Variants in TM9SF4 observed in about 807,000 individuals in gnomAD.
The protein encoded by TM9SF4 is dinucleotide oxidase disulfide thiol exchanger 3 superfamily member 4.
A neutral mutation model predicts 90.4 loss-of-function variants in TM9SF4; 26 were observed. The ratio of observed to expected loss-of-function variants is 0.29; its 90% CI spans 0.21 to 0.40. The LOEUF (loss-of-function observed/expected upper bound fraction) is 0.40. Among genes scored for constraint, TM9SF4 ranks in the 10% least tolerant of loss-of-function variants. TM9SF4 has a pLI of 1.00. For synonymous variants in TM9SF4, 293 were observed against 315.4 expected (o/e 0.93, Z 0.75); for missense variants, 549 against 834.8 (o/e 0.66, Z 4.22).
At chr20:32,144,284 T>C (rs1160853761) in intron 6 of TM9SF4, among the ~76,000 whole-genome samples, 1 of 152,184 alleles carries the variant, frequency 6.6e-6, no homozygotes, top group Non-Finnish European at 1.5e-5. Flanking sequence ...ACCTGGCCCA[T>C]AGTTGGTGCT....
intron 14 of TM9SF4, 151 bp from the exon 15 acceptor site, chr20:32,158,300 C>G (rs532657352): frequency 1.2e-6 from 1 of 828,952 alleles, no homozygotes; most frequent in African/African-American, 1.7e-5. Flanking sequence ...CTGCCTACCT[C>G]TCAAGAGATT....
chr20:32,153,210 C>A (rs1024054754), intron 12 of TM9SF4, among the ~76,000 whole-genome samples: 3 of 152,130 alleles, frequency 2.0e-5, no homozygotes, highest in African/African-American at 7.2e-5. Flanking sequence ...CACATAAGGA[C>A]CTTGGTATAG....
intron 1 of TM9SF4, among the ~76,000 whole-genome samples, chr20:32,121,393 T>C (rs2046304405): frequency 6.6e-6 from 1 of 151,500 alleles, no homozygotes; most frequent in Admixed American, 6.6e-5. Context: ...GATTAGGGAG[T>C]GGTGATGACT....
intron 13 of TM9SF4, among the ~76,000 whole-genome samples, chr20:32,156,268 A>C (rs2046918420): frequency 6.6e-6 from 1 of 152,228 alleles, no homozygotes; most frequent in African/African-American, 2.4e-5. Context: ...GTAAAAAGTA[A>C]GTGTAGAGAA....
rs772640325 is a variant in TM9SF4 at position 32,160,108 on chromosome 20, A to C, written c.1686A>C (p.Ala562=). The change falls in exon 16 of 18, where the codon GCA becomes GCC. Residue 562 remains alanine, a synonymous_variant. Coordinates refer to ENST00000398022, the MANE Select transcript of TM9SF4 (RefSeq NM_014742.4). ...SIVMVYFQLC[A]EDYRWWWRNF... ...TCATGGTGTACTTCCAGCTGTGTGC[A>C]GAGGTGAGGAGAGCAGGGCCAGGAG... 7 of 1,614,106 alleles carry C rather than the reference A, an allele frequency of 4.3e-6. No homozygotes were observed. In the East Asian group the frequency reaches 1.6e-4, roughly 36 times the overall value.
At chr20:32,146,361 C>T (rs1203882935) in intron 8 of TM9SF4, among the ~76,000 whole-genome samples, 1 of 152,052 alleles carries the variant, frequency 6.6e-6, no homozygotes, top group East Asian at 1.9e-4. Context: ...CAGGATATGG[C>T]GGGGCATTCT....
chr20:32,109,717 A>G lies in TM9SF4; in HGVS notation c.-24A>G. 1.9e-6 allele frequency: 3 copies of G among 1,551,640 alleles called. No individual in the cohort carries two copies. The South Asian group carries it at 3.6e-5, about 18-fold the overall frequency. ...AGGGAGCACCACTTCCGCTGACGTCATTACGGCGACACGTGGATCCAAGAT... is the reference window on the plus strand; with the variant it reads ...AGGGAGCACCACTTCCGCTGACGTCGTTACGGCGACACGTGGATCCAAGAT... On this transcript the variant is annotated 5_prime_UTR_variant, in exon 1 of 18. Transcript: ENST00000398022.
chr20:32,152,674 G>A (rs997102302), intron 12 of TM9SF4, among the ~76,000 whole-genome samples: 11 of 152,184 alleles, frequency 7.2e-5, no homozygotes, highest in East Asian at 3.9e-4. Flanking sequence ...ACTCTCCTAC[G>A]GCCTTGCCTG....
At position 32,110,069 on chromosome 20, in the gene TM9SF4, C is replaced by T. The variant is rs2122289784; in HGVS notation, c.15+314C>T. 15 of 1,286,088 alleles carry T rather than the reference C, an allele frequency of 1.2e-5. 1 individual carries two copies. In the South Asian group the frequency reaches 2.5e-4, roughly 22 times the overall value. The allele number at this position is 1,286,088 out of a possible 1,614,324, so 79.7% of individuals were successfully genotyped here. On this transcript the variant is annotated intron_variant, in intron 1 of 17. Transcript: ENST00000398022. ...GCCCCATTTTCCATTTCTCACCTCC[C>T]TGTCCTGACCCCTCTGAAGACCCCC...
intron 3 of TM9SF4, among the ~76,000 whole-genome samples, chr20:32,140,781 G>A (rs1011558673): frequency 6.6e-6 from 1 of 152,154 alleles, no homozygotes; most frequent in African/African-American, 2.4e-5. Flanking sequence ...GGCAGTCAGG[G>A]GAGGGAGTGA....
chr20:32,127,280 G>T (rs909511092), intron 1 of TM9SF4, among the ~76,000 whole-genome samples: 1 of 152,192 alleles, frequency 6.6e-6, no homozygotes, highest in Non-Finnish European at 1.5e-5. Flanking sequence ...AGCTGCCATT[G>T]TTATGAACAT....
chr20:32,136,001 C>T, intron 2 of TM9SF4, 73 bp from the exon 3 acceptor site: 18 of 1,329,024 alleles, frequency 1.4e-5, no homozygotes, highest in Non-Finnish European at 1.9e-5. Context: ...GTTAATATTA[C>T]CAAGTGTACT....
In TM9SF4 at chr20:32,136,154, C is replaced by T. The variant is rs777734761; in HGVS notation, c.210C>T (p.Thr70=). 19 of 1,614,052 alleles carry T rather than the reference C, an allele frequency of 1.2e-5. No homozygotes were observed. Among genetic ancestry groups the T allele is most frequent in the Non-Finnish European group, 2.5e-6 (3 of 1,180,026 alleles). The change falls in exon 3 of 18, where the codon ACC becomes ACT. Residue 70 remains threonine, a synonymous_variant. Coordinates refer to ENST00000398022, the MANE Select transcript of TM9SF4 (RefSeq NM_014742.4). ...SLPFCQPSKI[T]YKAENLGEVL... is the part of the protein sequence containing the mutation. ...CCTTCTGCCAGCCCAGCAAGATAAC[C>T]TACAAGGCAGAGAATCTGGGTAAGT...
chr20:32,145,460 G>A lies in TM9SF4; in HGVS notation c.883+37G>A, dbSNP rs745519189. The A allele has an allele frequency of 2.3e-5, 36 of 1,584,556 alleles. 2 individuals are homozygous for A. In the South Asian group the frequency reaches 3.9e-4, roughly 17 times the overall value. On this transcript the variant is annotated intron_variant, in intron 8 of 17. Transcript: ENST00000398022. ...GTGGGTTGAGGGAAAGGGGATGGGGGTTGGGGTTGAGGGACTGAGACATCA... is the reference window on the plus strand; with the variant it reads ...GTGGGTTGAGGGAAAGGGGATGGGGATTGGGGTTGAGGGACTGAGACATCA...
At chr20:32,151,842 T>C (rs1042372205) in intron 12 of TM9SF4, among the ~76,000 whole-genome samples, 4 of 150,354 alleles carry the variant, frequency 2.7e-5, no homozygotes, top group Non-Finnish European at 5.9e-5. Context: ...CCACCATGCC[T>C]GGCTAATTTT....
intron 10 of TM9SF4, among the ~76,000 whole-genome samples, chr20:32,150,163 A>T (rs996045699): frequency 3.3e-5 from 5 of 152,228 alleles, no homozygotes; most frequent in Admixed American, 3.3e-4. Context: ...CTTTGGAGTC[A>T]GTCTGCCTAG....
At chr20:32,126,610 A>T (rs976519644) in intron 1 of TM9SF4, among the ~76,000 whole-genome samples, 2 of 152,098 alleles carry the variant, frequency 1.3e-5, no homozygotes, top group African/African-American at 4.8e-5. Context: ...TAGTGTTGTG[A>T]TGGGCTGATG....
intron 1 of TM9SF4, among the ~76,000 whole-genome samples, chr20:32,115,469 T>C (rs1283749103): frequency 6.6e-6 from 1 of 152,154 alleles, no homozygotes; most frequent in Non-Finnish European, 1.5e-5. Context: ...CCCTGAACCA[T>C]TTGCTGACAC....
At chr20:32,132,421 G>GTGCAGGT (rs761903342) in intron 1 of TM9SF4, among the ~76,000 whole-genome samples, 16 of 151,862 alleles carry the variant, frequency 1.1e-4, no homozygotes, top group Non-Finnish European at 1.9e-4. Flanking sequence ...GAGATGTGCC[G>GTGCAGGT]TGCAGGTGCC....
Sources: allele counts gnomAD v4.1 joint callset (sites outside exome capture counted in the v4.1 genomes callset), GRCh38; gene constraint gnomAD v4.1.1; transcripts MANE v1.5; gene names NCBI Gene and HGNC (gene_info 2026-07-23, HGNC 2026-07-21).